The following SETD1B variants were observed in gnomAD, a reference collection of about 807,000 sequenced individuals.
SETD1B encodes histone-lysine N-methyltransferase SETD1B.
SETD1B carries 7 observed loss-of-function variants against 148.0 expected under a neutral mutation model. That is an observed-to-expected ratio of 0.05 (90% CI 0.03 to 0.09). The LOEUF is 0.09. Among genes scored for constraint, SETD1B ranks in the 10% least tolerant of loss-of-function variants. SETD1B has a pLI of 1.00. For synonymous variants in SETD1B, 1,361 were observed against 1,186.5 expected (o/e 1.15, Z -3.02); for missense variants, 2,155 against 2,729.9 (o/e 0.79, Z 4.69).
At chr12:121,791,157 G>T in the SETD1B span, among the ~76,000 whole-genome samples, 2 of 151,800 alleles carry the variant, frequency 1.3e-5, no homozygotes. Context: ...ATGTAGTCTC[G>T]CCCTGTCACC....
chr12:121,793,309 G>T, the SETD1B span: 1 of 1,466,484 alleles, frequency 6.8e-7, no homozygotes. Context: ...TGAATCCACT[G>T]TCCACCCCCC....
At position 121,822,810 on chromosome 12, in the gene SETD1B, C is replaced by T. The variant is rs959508105; in HGVS notation, c.4231C>T (p.Pro1411Ser). The change falls in exon 12 of 17, where the codon CCA becomes TCA. Residue 1411 changes from proline to serine, a missense_variant. Physicochemically the swap from Pro to Ser is moderately conservative, Grantham distance 74 (BLOSUM62 -1). Transcript: ENST00000604567. ...PQVPGSPFSY[P>S]APSPSLSSGG... ...AGTGCCCGGCAGCCCCTTCTCCTAC[C>T]CAGCCCCGTCCCCTAGCTTGAGCAG... 2.7e-6 allele frequency: 4 copies of T among 1,504,208 alleles called. No individual in the cohort carries two copies. The Admixed American group carries it at 8.8e-5, about 33-fold the overall frequency. The allele number at this position is 1,504,208 out of a possible 1,614,324, so 93.2% of individuals were successfully genotyped here.
chr12:121,804,641 G>A lies in SETD1B; in HGVS notation c.-14-83G>A. 8.0e-7 allele frequency: 1 copy of A among 1,252,564 alleles called. No individual in the cohort carries two copies. The highest frequency in any genetic ancestry group is 1.1e-6 in the Non-Finnish European group (1 of 905,368). The allele number at this position is 1,252,564 out of a possible 1,614,324, so 77.6% of individuals were successfully genotyped here. A position where few individuals can be genotyped will look rare whatever the true frequency, so the allele number is the denominator to read the frequency against. ...GCAAGGTGGGAGGGGGTGGGGGCCT[G>A]CCGATTGGATTCTTTCGCGTGTGTG... On this transcript the variant is annotated intron_variant, in intron 1 of 16. Transcript: ENST00000604567. The surrounding 1 kb of genome is among the most constrained non-coding windows in gnomAD (Gnocchi z 4.6).
rs1284069122 is a variant in SETD1B, at chr12:121,808,968, C to G, written c.658-635C>G. ...CACTGCAAGCTCCACCTCCTGGGCT[C>G]AAGTGATTCTCTTGCCTCAGCCTCC... On this transcript the variant is annotated intron_variant, in intron 5 of 16. Coordinates refer to ENST00000604567, the MANE Select transcript of SETD1B (RefSeq NM_001353345.2). The surrounding 1 kb of genome is among the most constrained non-coding windows in gnomAD (Gnocchi z 5.3). 6.6e-6 allele frequency among the ~76,000 whole-genome samples: 1 copy of G among 152,216 alleles called. No individual in the cohort carries two copies. Among genetic ancestry groups the G allele is most frequent in the Non-Finnish European group, 1.5e-5 (1 of 68,046 alleles).
chr12:121,818,387 A>G (rs561506058), intron 10 of SETD1B, among the ~76,000 whole-genome samples: 8 of 151,588 alleles, frequency 5.3e-5, no homozygotes, highest in Non-Finnish European at 1.2e-4. Context: ...ACATGGTGAA[A>G]CCCCGTCTCT....
Position 121,810,185 on chromosome 12 carries a change from C to A in SETD1B, c.1240C>A (p.Pro414Thr). 6.5e-7 allele frequency: 1 copy of A among 1,549,706 alleles called. No homozygotes were observed. The highest frequency in any genetic ancestry group is 8.7e-7 in the Non-Finnish European group (1 of 1,146,792). Residue 414 changes from proline (P) to threonine (T), a missense_variant, in exon 6 of 17, where the codon CCC (proline) becomes ACC (threonine). Pro to Thr is a conservative substitution (Grantham distance 38). Around this residue, in one of 11 missense-constraint regions of SETD1B, gnomAD observed 376 missense variants for 385.0 expected, o/e 0.98. Coordinates refer to ENST00000604567, the MANE Select transcript of SETD1B (RefSeq NM_001353345.2). The surrounding 1 kb of genome is among the most constrained non-coding windows in gnomAD (Gnocchi z 7.6). ...CCACTTCCCTCCACCCCCGGAAGAG[C>A]CCACCGCCACAGCCGCTTTTGGGGC... ...VAHFPPPPEEPTATAAFGARD... is the reference protein window; with the variant it reads ...VAHFPPPPEETTATAAFGARD...
intron 4 of SETD1B, among the ~76,000 whole-genome samples, chr12:121,807,044 A>G (rs1365833896): frequency 3.3e-5 from 5 of 152,254 alleles, no homozygotes; most frequent in African/African-American, 7.2e-5. Context: ...TGCAGCTTCC[A>G]GGAATTTTGT....
At chr12:121,821,320 C>G (rs1876555585) in intron 11 of SETD1B, among the ~76,000 whole-genome samples, 2 of 151,964 alleles carry the variant, frequency 1.3e-5, no homozygotes, top group Non-Finnish European at 2.9e-5. Flanking sequence ...TCCTGTAATC[C>G]CAGCTACTTG....
Position 121,823,337 on chromosome 12 carries a change from T to TTCCCCCCCCCCC in SETD1B, c.4758_4759insTCCCCCCCCCCC (p.Leu1586_Pro1587insSerProProPro), listed in dbSNP as rs753794367. The TTCCCCCCCCCCC allele has an allele frequency of 2.5e-6, 2 of 809,488 alleles. No individual in the cohort carries two copies. The highest frequency in any genetic ancestry group is 3.6e-6 in the Non-Finnish European group (2 of 560,562). The allele number at this position is 809,488 out of a possible 1,614,324, so 50.1% of individuals were successfully genotyped here. A position where few individuals can be genotyped will look rare whatever the true frequency, so the allele number is the denominator to read the frequency against. On this transcript the variant is annotated inframe_insertion, in exon 12 of 17. Transcript: ENST00000604567. The stretch of plus-strand genomic sequence containing the variant: ...GGATCCCAGCCCCTCCACCACCCCT[T>TTCCCCCCCCCCC]CCCCCCCAGCCACCCCCACCCCCAC...
the SETD1B span, among the ~76,000 whole-genome samples, chr12:121,794,794 C>G: frequency 3.9e-5 from 6 of 152,258 alleles, no homozygotes; most frequent in East Asian, 1.2e-3. Context: ...CCCCCTGGAG[C>G]CGGTCCACGG....
the SETD1B span, chr12:121,797,986 C>T: frequency 4.7e-6 from 1 of 214,730 alleles, no homozygotes; most frequent in East Asian, 1.5e-4. Flanking sequence ...AAGACCCAGC[C>T]CTGGCCCTCA....
Position 121,809,904 on chromosome 12 carries a change from C to T in SETD1B, c.959C>T (p.Ala320Val), listed in dbSNP as rs1294032399. 2 of 1,550,882 alleles carry T rather than the reference C, an allele frequency of 1.3e-6. No individual in the cohort carries two copies. Among genetic ancestry groups the T allele is most frequent in the Admixed American group, 2.0e-5 (1 of 51,000 alleles). Residue 320 changes from alanine to valine, a missense_variant, in exon 6 of 17, where the codon GCC becomes GTC. Physicochemically the swap from Ala to Val is moderately conservative, Grantham distance 64. This residue lies in a region of SETD1B where 376 missense variants were observed against 385.0 expected (regional missense o/e 0.98). Transcript: ENST00000604567. ...ARRHESKFTD[A>V]YNRRHEHHYV... ...CGCCACGAGAGCAAGTTCACGGACG[C>T]CTACAACCGCCGCCACGAACATCAT...
upstream of SETD1B, chr12:121,803,206 C>G (rs1875485603): frequency 6.6e-6 from 1 of 152,058 alleles, no homozygotes; most frequent in Non-Finnish European, 1.5e-5. This position sits in a 1 kb window ranked among gnomAD's most constrained non-coding sequence, Gnocchi z 4.7. Flanking sequence ...GTTGAACTCA[C>G]AAAATGGAAG....
chr12:121,825,642 C>T (rs1876805050), intron 13 of SETD1B, among the ~76,000 whole-genome samples: 2 of 151,564 alleles, frequency 1.3e-5, no homozygotes, highest in African/African-American at 2.4e-5. Context: ...TTGTTTTTTG[C>T]TTGGGTTTTT....
rs1015426030 is a variant in SETD1B, at chr12:121,804,128, G to GT, written c.-120_-119insT. 6.1e-4 allele frequency: 92 copies of GT among 151,270 alleles called. 1 individual carries two copies. The highest frequency in any genetic ancestry group is 2.7e-4 in the Admixed American group (4 of 15,044). The allele number at this position is 151,270 out of a possible 1,614,324, so 9.4% of individuals were successfully genotyped here. A position where few individuals can be genotyped will look rare whatever the true frequency, so the allele number is the denominator to read the frequency against. ...CTCCGGGCCCGGCAGCCGCGGCGGC[G>GT]GCGCCCCCCCTTCCTGGCCCCCGGT... is the stretch of plus-strand genomic sequence containing the variant. On this transcript the variant is annotated 5_prime_UTR_variant, in exon 1 of 17. The change abolishes the stop of an existing upstream ORF in the 5' untranslated region. Coordinates refer to ENST00000604567, the MANE Select transcript of SETD1B (RefSeq NM_001353345.2). This position sits in a 1 kb window ranked among gnomAD's most constrained non-coding sequence, Gnocchi z 4.6.
the SETD1B span, chr12:121,793,203 TG>T: frequency 6.4e-7 from 1 of 1,550,898 alleles, no homozygotes; most frequent in Non-Finnish European, 8.7e-7. Context: ...ACGGTCACGC[TG>T]GCCGTGTACT....
chr12:121,817,676 C>T lies in SETD1B; in HGVS notation c.3284C>T (p.Ser1095Phe), dbSNP rs1025369399. The T allele has an allele frequency of 4.5e-6, 7 of 1,549,826 alleles. No homozygotes were observed. The African/African-American group carries it at 6.8e-5, about 15-fold the overall frequency. The change falls in exon 9 of 17, where the codon TCC becomes TTC. Residue 1095 changes from serine to phenylalanine, a missense_variant. By Grantham distance (155) the Ser-to-Phe change is radical. Transcript: ENST00000604567. The surrounding 1 kb of genome is among the most constrained non-coding windows in gnomAD (Gnocchi z 8.1). ...EEEVPRSQLSSSSTSSTSDKD... is the reference protein window; with the variant it reads ...EEEVPRSQLSFSSTSSTSDKD... ...GAAGTCCCCAGGAGCCAGCTCTCCT[C>T]CTCCTCAACCTCATCCACATCAGAT...
At chr12:121,796,923 A>G in the SETD1B span, among the ~76,000 whole-genome samples, 2 of 152,046 alleles carry the variant, frequency 1.3e-5, no homozygotes, top group Non-Finnish European at 2.9e-5. Flanking sequence ...CTGTAATCCC[A>G]GCTACTCGGA....
Position 121,813,911 on chromosome 12 carries a change from C to G in SETD1B, c.1891-195C>G, listed in dbSNP as rs575640452. Among the ~76,000 whole-genome samples the G allele has an allele frequency of 3.3e-5, 5 of 152,284 alleles. 1 individual carries two copies. In the South Asian group the frequency reaches 1.0e-3, roughly 32 times the overall value. Reference sequence around the variant, plus strand: ...TTGAATTGGAATGAATGAATGAATTCTAGTGGTAACTCCATGAGGCAGGGA... The same window carrying G: ...TTGAATTGGAATGAATGAATGAATTGTAGTGGTAACTCCATGAGGCAGGGA... On this transcript the variant is annotated intron_variant, in intron 6 of 16. Transcript: ENST00000604567.
Sources: gnomAD v4.1 joint callset for allele counts (sites outside exome capture counted in the v4.1 genomes callset) on GRCh38, gnomAD v4.1.1 for gene constraint, gnomAD v4.1.1 regional missense constraint, Gnocchi (gnomAD v3.1) non-coding constraint, MANE v1.5 for transcripts, NCBI Gene and HGNC (gene_info 2026-07-23, HGNC 2026-07-21) for gene names.